LEKR1: variants seen among roughly 807,000 people sequenced by gnomAD.
The protein encoded by LEKR1 is leucine, glutamate and lysine rich 1.
In LEKR1, 59 loss-of-function variants were observed where a neutral mutation model predicts 72.4. That is an observed-to-expected ratio of 0.82 (90% CI 0.66 to 1.01). The LOEUF is 1.01. Among genes scored for constraint, LEKR1 ranks in the 50% least tolerant of loss-of-function variants. The pLI, the probability that LEKR1 is intolerant of heterozygous loss-of-function variation, is 0.00. For missense variants in LEKR1, 728 were observed against 759.2 expected (o/e 0.96, Z 0.48); for synonymous variants, 257 against 263.2 (o/e 0.98, Z 0.23).
chr3:157,004,243 A>G (rs941935420), intron 9 of LEKR1, among the ~76,000 whole-genome samples: 2 of 152,206 alleles, frequency 1.3e-5, no homozygotes, highest in African/African-American at 4.8e-5. Context: ...AGTTCATTTT[A>G]TAATGATAAG....
In LEKR1 at chr3:156,953,076, G is replaced by GAT. The variant is rs1396414799; in HGVS notation, c.745+10370_745+10371dup. On this transcript the variant is annotated intron_variant, in intron 6 of 12. Transcript: ENST00000356539. The stretch of plus-strand genomic sequence containing the variant: ...TCTATAAATTTTTAAAATCTTTGGA[G>GAT]ATATATATACAAGAAACTAACTACA... 2.0e-5 allele frequency among the ~76,000 whole-genome samples: 3 copies of GAT among 150,846 alleles called. No homozygotes were observed. In the East Asian group the frequency reaches 5.9e-4, roughly 29 times the overall value.
chr3:156,911,719 A>G (rs1433832198), intron 3 of LEKR1, among the ~76,000 whole-genome samples: 1 of 151,972 alleles, frequency 6.6e-6, no homozygotes, highest in Non-Finnish European at 1.5e-5. Context: ...TCTTCTGTAT[A>G]TGGCTAGCCA....
chr3:156,969,337 G>T (rs1417354127), intron 6 of LEKR1, among the ~76,000 whole-genome samples: 2 of 152,072 alleles, frequency 1.3e-5, no homozygotes, highest in Non-Finnish European at 2.9e-5. Flanking sequence ...CCAGGAGCTG[G>T]TTTTTTGAAA....
chr3:156,925,851 G>A (rs1274755146), intron 4 of LEKR1, among the ~76,000 whole-genome samples: 1 of 151,944 alleles, frequency 6.6e-6, no homozygotes, highest in African/African-American at 2.4e-5. Flanking sequence ...GTTGGCTTAG[G>A]AGTATACCAT....
intron 9 of LEKR1, among the ~76,000 whole-genome samples, chr3:157,002,686 C>G (rs1173104870): frequency 6.6e-6 from 1 of 152,102 alleles, no homozygotes; most frequent in East Asian, 1.9e-4. Flanking sequence ...TAATATCAAG[C>G]AAAATTACCA....
intron 2 of LEKR1, among the ~76,000 whole-genome samples, chr3:156,836,298 A>G (rs955548359): frequency 6.6e-6 from 1 of 152,190 alleles, no homozygotes; most frequent in African/African-American, 2.4e-5. Flanking sequence ...TCATGAGGAA[A>G]ACAGGTTTTT....
At chr3:157,027,785 G>A (rs1459132991) in intron 11 of LEKR1, among the ~76,000 whole-genome samples, 3 of 152,092 alleles carry the variant, frequency 2.0e-5, no homozygotes, top group South Asian at 2.1e-4. Context: ...CTGCACCACT[G>A]TGCTCCAGCC....
chr3:156,981,624 A>G lies in LEKR1; in HGVS notation c.827+2349A>G, dbSNP rs1361602938. ...CTACCTGTCTCTAGCTCTTCCATCTATACTCTATCTACTCTCCTTTACTGC... is the reference window on the plus strand; with the variant it reads ...CTACCTGTCTCTAGCTCTTCCATCTGTACTCTATCTACTCTCCTTTACTGC... On this transcript the variant is annotated intron_variant, in intron 7 of 12. Transcript: ENST00000356539. Among the ~76,000 whole-genome samples the G allele has an allele frequency of 2.6e-5, 4 of 152,268 alleles. No individual in the cohort carries two copies. The South Asian group carries it at 8.3e-4, about 32-fold the overall frequency.
At chr3:156,860,257 C>G (rs9861359) in intron 3 of LEKR1, among the ~76,000 whole-genome samples, 46,152 of 151,976 alleles carry the variant, frequency 0.3, 9,980 homozygotes, top group African/African-American at 0.61. Context: ...TAAATTCTCA[C>G]AAATATCAGT....
At chr3:156,890,754 G>T (rs17382070) in intron 3 of LEKR1, among the ~76,000 whole-genome samples, 77,104 of 151,874 alleles carry the variant, frequency 0.51, 21,250 homozygotes, top group East Asian at 0.73. Flanking sequence ...AGTGTGATCA[G>T]CTTACCCCAA....
At chr3:156,976,130 C>G (rs190090810) in intron 6 of LEKR1, among the ~76,000 whole-genome samples, 80 of 152,232 alleles carry the variant, frequency 5.3e-4, no homozygotes, top group African/African-American at 1.9e-3. Flanking sequence ...CCAGACTAGT[C>G]TACCAGAACC....
Position 156,835,294 on chromosome 3 carries a change from T to C in LEKR1, c.48+5917T>C, listed in dbSNP as rs529895925. 3.9e-5 allele frequency among the ~76,000 whole-genome samples: 6 copies of C among 152,334 alleles called. No homozygotes were observed. In the Middle Eastern group the frequency reaches 0.01, roughly 259 times the overall value. On this transcript the variant is annotated intron_variant, in intron 2 of 12. Coordinates refer to ENST00000356539, the MANE Select transcript of LEKR1 (RefSeq NM_001004316.3). ...TCTAATATACACAGGCAGGCACCCT[T>C]ACCAATGGGGGTTTTCTTAAATATG...
intron 3 of LEKR1, among the ~76,000 whole-genome samples, chr3:156,912,705 G>C (rs930220794): frequency 2.6e-5 from 4 of 152,148 alleles, no homozygotes; most frequent in African/African-American, 9.7e-5. Flanking sequence ...TGAATTAATT[G>C]GCAGACTTTC....
In LEKR1 at chr3:156,882,381, G is replaced by A. The variant is rs1168139172; in HGVS notation, c.263+29399G>A. On this transcript the variant is annotated intron_variant, in intron 3 of 12. Coordinates refer to ENST00000356539, the MANE Select transcript of LEKR1 (RefSeq NM_001004316.3). ...CTTCTCAAAAGAAGACATTTATGCA[G>A]CCAAAAGACACATGAAAAAATGCTC... Among the ~76,000 whole-genome samples the A allele has an allele frequency of 1.9e-3, 285 of 152,194 alleles. 3 individuals carry two copies. Among genetic ancestry groups the A allele is most frequent in the African/African-American group, 6.4e-3 (265 of 41,558 alleles).
chr3:157,020,195 C>T (rs1733703093), intron 10 of LEKR1, among the ~76,000 whole-genome samples: 1 of 151,734 alleles, frequency 6.6e-6, no homozygotes, highest in Non-Finnish European at 1.5e-5. Context: ...CATCAGCCAT[C>T]ACCTTTTCTT....
At chr3:156,945,531 A>G (rs1380232237) in intron 6 of LEKR1, among the ~76,000 whole-genome samples, 3 of 151,772 alleles carry the variant, frequency 2.0e-5, no homozygotes, top group African/African-American at 7.3e-5. Flanking sequence ...TGCCTAGTCC[A>G]ATGTCCTGGA....
chr3:156,903,016 GT>G lies in LEKR1; in HGVS notation c.264-17552del, dbSNP rs140566525. ...TACTGAACCATTTGTATTACTCTGAGTTTTTTTGCTACTGCAAATTATTGCA... is the reference window on the plus strand; with the variant it reads ...TACTGAACCATTTGTATTACTCTGAGTTTTTTGCTACTGCAAATTATTGCA... On this transcript the variant is annotated intron_variant, in intron 3 of 12. Coordinates refer to ENST00000356539, the MANE Select transcript of LEKR1 (RefSeq NM_001004316.3). Among the ~76,000 whole-genome samples, 1,470 of 152,034 alleles carry G rather than the reference GT, an allele frequency of 9.7e-3. 22 individuals are homozygous for G. The highest frequency in any genetic ancestry group is 0.034 in the African/African-American group (1,401 of 41,486).
In LEKR1 at chr3:156,968,693, G is replaced by C. The variant is rs1019188074; in HGVS notation, c.746-10501G>C. Reference sequence around the variant, plus strand: ...TAATGGGAGATTTTAACACCCCACTGTCAACATTAGACAGATCAATGAGAC... The same window carrying C: ...TAATGGGAGATTTTAACACCCCACTCTCAACATTAGACAGATCAATGAGAC... On this transcript the variant is annotated intron_variant, in intron 6 of 12. Transcript: ENST00000356539. Among the ~76,000 whole-genome samples the C allele has an allele frequency of 7.2e-5, 11 of 152,166 alleles. 1 individual carries two copies. Among genetic ancestry groups the C allele is most frequent in the Non-Finnish European group, 1.5e-5 (1 of 68,038 alleles).
At chr3:156,993,031 T>C (rs369387156) in intron 8 of LEKR1, 43 bp from the exon 9 acceptor site, 1 of 983,054 alleles carries the variant, frequency 1.0e-6, no homozygotes, top group African/African-American at 1.6e-5. Context: ...TAAAATGTAG[T>C]ATATAATGTA....
Sources: allele counts gnomAD v4.1 joint callset (sites outside exome capture counted in the v4.1 genomes callset), GRCh38; gene constraint gnomAD v4.1.1; transcripts MANE v1.5; gene names NCBI Gene and HGNC (gene_info 2026-07-23, HGNC 2026-07-21).